Variants in C8orf76 observed in about 807,000 individuals in gnomAD.
C8orf76 encodes the protein chromosome 8 open reading frame 76, also known as uncharacterized protein C8orf76.
In C8orf76, 46 loss-of-function variants were observed where a neutral mutation model predicts 38.1. That is an observed-to-expected ratio of 1.21 (90% CI 0.95 to 1.54). The LOEUF is 1.54. Ranked by LOEUF, C8orf76 falls within the 40% of genes most tolerant of loss-of-function variation. The pLI is 0.00. For missense variants in C8orf76, 461 were observed against 441.6 expected (o/e 1.04, Z -0.39); for synonymous variants, 166 against 167.5 (o/e 0.99, Z 0.07).
At chr8:123,221,439 A>T (rs542998165) in intron 5 of C8orf76, among the ~76,000 whole-genome samples, 8 of 152,264 alleles carry the variant, frequency 5.3e-5, no homozygotes, top group Admixed American at 5.2e-4. Context: ...CTACAAAAAA[A>T]AGTATCATTT....
At chr8:123,241,065 A>G (rs552442396) in intron 1 of C8orf76, among the ~76,000 whole-genome samples, 165 bp downstream of exon 1, 30 of 152,326 alleles carry the variant, frequency 2.0e-4, no homozygotes, top group African/African-American at 5.8e-4. Context: ...GGGCCTGGGA[A>G]AGCCGCTTCC....
In C8orf76 at chr8:123,239,051, G is replaced by C; in HGVS notation, c.211C>G (p.Gln71Glu). 1.2e-6 allele frequency: 2 copies of C among 1,613,984 alleles called. No individual in the cohort carries two copies. The highest frequency in any genetic ancestry group is 1.7e-6 in the Non-Finnish European group (2 of 1,179,944). ...AAGCACCATATGTTGAATTCTACCT[G>C]ATACTCTTGTCGTCTGTAGGCCAGG... Reference protein sequence around the residue: ...GDLAYRRQEYQKALQEYSSIS... With the variant: ...GDLAYRRQEYEKALQEYSSIS... The change falls in exon 2 of 6, where the codon CAG (glutamine) becomes GAG (glutamate). Residue 71 changes from glutamine (Q) to glutamate (E), a missense_variant and splice_region_variant. Coordinates refer to ENST00000276704, the MANE Select transcript of C8orf76 (RefSeq NM_032847.3).
intron 5 of C8orf76, among the ~76,000 whole-genome samples, chr8:123,222,521 C>T (rs536450871): frequency 2.3e-3 from 347 of 152,174 alleles, no homozygotes; most frequent in African/African-American, 7.7e-3. Flanking sequence ...GCCACATAAA[C>T]ATTTTAAACT....
Position 123,241,301 on chromosome 8 carries a change from C to A in C8orf76, c.46G>T (p.Val16Leu). ...WLFGGEFEDS[V>L]FEERPERRSG... is the part of the protein sequence containing the mutation. ...CGCCGCTCCGGCCTCTCCTCGAACACCGAGTCCTCGAACTCGCCGCCGAAC... is the reference window on the plus strand; with the variant it reads ...CGCCGCTCCGGCCTCTCCTCGAACAACGAGTCCTCGAACTCGCCGCCGAAC... The change falls in exon 1 of 6, where the codon GTG becomes TTG. Residue 16 changes from valine (V) to leucine (L), a missense_variant. Coordinates refer to ENST00000276704, the MANE Select transcript of C8orf76 (RefSeq NM_032847.3). 6.3e-7 allele frequency: 1 copy of A among 1,576,666 alleles called. No homozygotes were observed. Among genetic ancestry groups the A allele is most frequent in the Non-Finnish European group, 8.6e-7 (1 of 1,166,470 alleles).
chr8:123,224,571 A>C (rs1245700092), intron 5 of C8orf76, among the ~76,000 whole-genome samples: 1 of 152,212 alleles, frequency 6.6e-6, no homozygotes, highest in Non-Finnish European at 1.5e-5. Context: ...AAGATTATGC[A>C]CTGCAGCCTA....
intron 5 of C8orf76, among the ~76,000 whole-genome samples, chr8:123,225,869 G>A (rs1291785539): frequency 1.3e-5 from 2 of 151,680 alleles, no homozygotes; most frequent in African/African-American, 4.9e-5. Context: ...AGGTTGCAGT[G>A]AGCCGAGATC....
intron 5 of C8orf76, among the ~76,000 whole-genome samples, chr8:123,221,800 T>C (rs776177788): frequency 6.5e-4 from 99 of 152,154 alleles, no homozygotes; most frequent in Non-Finnish European, 1.1e-3. Context: ...CAGCAACTAC[T>C]TGGGAGGCGG....
At chr8:123,233,848 G>A (rs921598038) in intron 3 of C8orf76, among the ~76,000 whole-genome samples, 31 of 151,962 alleles carry the variant, frequency 2.0e-4, no homozygotes, top group African/African-American at 7.5e-4. Flanking sequence ...CTAACATGGC[G>A]AAACCCCATC....
chr8:123,241,186 A>G (rs1825673180), intron 1 of C8orf76, 44 bp downstream of exon 1: 1 of 1,522,488 alleles, frequency 6.6e-7, no homozygotes. Context: ...GCGGAGGGCG[A>G]GGCCTGGGGC....
intron 5 of C8orf76, among the ~76,000 whole-genome samples, chr8:123,223,752 T>C (rs113788119): frequency 0.018 from 2,808 of 152,320 alleles, 54 homozygotes; most frequent in African/African-American, 0.047. Flanking sequence ...GATATGTACA[T>C]ATATATGAAT....
chr8:123,227,615 G>A (rs1222788903), intron 4 of C8orf76, among the ~76,000 whole-genome samples: 3 of 152,148 alleles, frequency 2.0e-5, no homozygotes. Flanking sequence ...ATCTGGTGGC[G>A]AGGGCTTGGC....
intron 3 of C8orf76, chr8:123,237,204 G>A: frequency 1.5e-6 from 1 of 658,468 alleles, no homozygotes; most frequent in Non-Finnish European, 2.8e-6. Flanking sequence ...TGTACCCCAA[G>A]ACGAAGGACA....
intron 3 of C8orf76, chr8:123,237,207 G>A: frequency 1.6e-6 from 1 of 644,212 alleles, no homozygotes; most frequent in South Asian, 1.7e-5. Flanking sequence ...ACCCCAAGAC[G>A]AAGGACAAAG....
rs554528397 is a variant in C8orf76, at chr8:123,236,876, A to G, written c.357+922T>C. The G allele has an allele frequency of 8.5e-5, 75 of 880,816 alleles. No homozygotes were observed. In the African/African-American group the frequency reaches 1.2e-3, roughly 14 times the overall value. 54.6% of individuals were successfully genotyped at this position (880,816 alleles called of 1,614,324 possible). A position where few individuals can be genotyped will look rare whatever the true frequency, so the allele number is the denominator to read the frequency against. On this transcript the variant is annotated intron_variant, in intron 3 of 5. Transcript: ENST00000276704. ...GATGCAGATCTTTGTGAAGACCCTCACAGGCAAGACCATCACCCTTGAGAT... is the reference window on the plus strand; with the variant it reads ...GATGCAGATCTTTGTGAAGACCCTCGCAGGCAAGACCATCACCCTTGAGAT...
At chr8:123,240,033 T>C (rs1029004065) in intron 1 of C8orf76, 8 of 152,236 alleles carry the variant, frequency 5.3e-5, no homozygotes, top group African/African-American at 1.7e-4. Context: ...TTAGAATTTA[T>C]ATTAAATTCT....
intron 3 of C8orf76, among the ~76,000 whole-genome samples, chr8:123,235,264 G>T (rs1439423883): frequency 5.3e-5 from 8 of 152,152 alleles, no homozygotes; most frequent in Non-Finnish European, 1.0e-4. Flanking sequence ...GAAAAGAGGT[G>T]AATGAATTTC....
intron 3 of C8orf76, among the ~76,000 whole-genome samples, chr8:123,235,881 C>G (rs1469411604): frequency 6.6e-6 from 1 of 152,124 alleles, no homozygotes; most frequent in Non-Finnish European, 1.5e-5. Flanking sequence ...GCGAGCAGGA[C>G]AGTAGTAAAG....
At chr8:123,239,183 T>C in intron 1 of C8orf76, 39 bp from the exon 2 acceptor site, 1 of 1,597,828 alleles carries the variant, frequency 6.3e-7, no homozygotes, top group Non-Finnish European at 8.6e-7. Context: ...GAGTGAGCTA[T>C]GCTTTTCCAC....
chr8:123,222,632 CAG>C (rs1447787908), intron 5 of C8orf76, among the ~76,000 whole-genome samples: 2 of 151,964 alleles, frequency 1.3e-5, no homozygotes, highest in African/African-American at 2.4e-5. Flanking sequence ...CTATGAAAAA[CAG>C]AAAGAATAAT....
Sources: allele counts gnomAD v4.1 joint callset (sites outside exome capture counted in the v4.1 genomes callset), GRCh38; gene constraint gnomAD v4.1.1; transcripts MANE v1.5; gene names NCBI Gene and HGNC (gene_info 2026-07-23, HGNC 2026-07-21).